The following FSHR variants were observed in gnomAD, a reference collection of about 807,000 sequenced individuals.
The protein encoded by FSHR is follicle-stimulating hormone receptor.
FSHR carries 46 observed loss-of-function variants against 52.1 expected under a neutral mutation model. That is an observed-to-expected ratio of 0.88 (90% confidence interval 0.70 to 1.13). The LOEUF (loss-of-function observed/expected upper bound fraction) is 1.13. Ranked by LOEUF, FSHR falls within the 50% of genes most tolerant of loss-of-function variation. The pLI is 0.00. For synonymous variants in FSHR, 399 were observed against 309.6 expected (o/e 1.29, Z -3.03); for missense variants, 964 against 834.6 (o/e 1.16, Z -1.91).
intron 1 of FSHR, among the ~76,000 whole-genome samples, chr2:49,084,775 C>T (rs1002956368): frequency 1.1e-3 from 165 of 152,320 alleles, no homozygotes; most frequent in African/African-American, 3.9e-3. Flanking sequence ...GACACATACA[C>T]TCTCCCAAGA....
At chr2:49,097,250 T>C (rs1472778689) in intron 1 of FSHR, among the ~76,000 whole-genome samples, 1 of 152,214 alleles carries the variant, frequency 6.6e-6, no homozygotes, top group Admixed American at 6.5e-5. Context: ...TCTTTGAATT[T>C]TTTTTCATTT....
intron 1 of FSHR, among the ~76,000 whole-genome samples, chr2:49,095,511 A>T (rs1052305308): frequency 1.8e-4 from 27 of 152,218 alleles, no homozygotes; most frequent in Non-Finnish European, 3.5e-4. Context: ...AAGAGCTAAA[A>T]CTATAAAACT....
Position 49,139,088 on chromosome 2 carries a change from A to G in FSHR, c.152+15178T>C, listed in dbSNP as rs566690847. On this transcript the variant is annotated intron_variant, in intron 1 of 9. Coordinates refer to ENST00000406846, the MANE Select transcript of FSHR (RefSeq NM_000145.4). ...TTCATTTCACTGGGCTTCATTTTAC[A>G]TTTCTAAAACAAGGGGAAGGAGGTA... Among the ~76,000 whole-genome samples the G allele has an allele frequency of 8.5e-5, 13 of 152,318 alleles. No homozygotes were observed. In the South Asian group the frequency reaches 2.5e-3, roughly 29 times the overall value.
intron 1 of FSHR, among the ~76,000 whole-genome samples, chr2:49,112,615 C>G (rs1007803060): frequency 6.6e-6 from 1 of 152,094 alleles, no homozygotes. Context: ...GCAGAAGTAG[C>G]AGATCACTTT....
At chr2:49,034,814 A>C (rs1668223769) in intron 2 of FSHR, among the ~76,000 whole-genome samples, 1 of 151,974 alleles carries the variant, frequency 6.6e-6, no homozygotes, top group Non-Finnish European at 1.5e-5. Context: ...TGATACATGG[A>C]CTCCCAGAGC....
chr2:49,059,261 G>A (rs11678857), intron 2 of FSHR, among the ~76,000 whole-genome samples: 73,644 of 151,762 alleles, frequency 0.49, 18,327 homozygotes, highest in East Asian at 0.75. Context: ...ATTCACAGAA[G>A]TAGAAAAAAA....
intron 1 of FSHR, among the ~76,000 whole-genome samples, chr2:49,126,988 C>T (rs915398444): frequency 1.3e-5 from 2 of 152,104 alleles, no homozygotes; most frequent in African/African-American, 4.8e-5. Context: ...TTTGGGAAAA[C>T]TCAGTGGAAA....
At chr2:49,117,147 G>A (rs1671631284) in intron 1 of FSHR, among the ~76,000 whole-genome samples, 1 of 152,166 alleles carries the variant, frequency 6.6e-6, no homozygotes, top group Admixed American at 6.5e-5. Context: ...CACAGGAGAA[G>A]TCTACTTCTG....
chr2:48,982,899 G>T lies in FSHR; in HGVS notation c.668+13C>A. 1 of 1,606,938 alleles carries T rather than the reference G, an allele frequency of 6.2e-7. No individual in the cohort carries two copies. Among genetic ancestry groups the T allele is most frequent in the African/African-American group, 1.3e-5 (1 of 74,902 alleles). On this transcript the variant is annotated intron_variant, in intron 8 of 9. Coordinates refer to ENST00000406846, the MANE Select transcript of FSHR (RefSeq NM_000145.4). Reference sequence around the variant, plus strand: ...CTGAGCTCTTACACACAGAAATGGGGAAAGCTACTCACAGAATGACTGGTC... The same window carrying T: ...CTGAGCTCTTACACACAGAAATGGGTAAAGCTACTCACAGAATGACTGGTC...
At chr2:49,015,212 C>T (rs897980245) in intron 4 of FSHR, among the ~76,000 whole-genome samples, 8 of 152,066 alleles carry the variant, frequency 5.3e-5, no homozygotes, top group African/African-American at 1.9e-4. Flanking sequence ...CTTCTGAATT[C>T]ATAGTTTTTC....
chr2:49,100,268 A>G (rs1477680672), intron 1 of FSHR, among the ~76,000 whole-genome samples: 1 of 152,072 alleles, frequency 6.6e-6, no homozygotes, highest in African/African-American at 2.4e-5. Flanking sequence ...TGCTCTTGGC[A>G]TTTTGCTTTC....
intron 1 of FSHR, among the ~76,000 whole-genome samples, chr2:49,080,572 A>G (rs1189245180): frequency 3.9e-5 from 6 of 152,240 alleles, no homozygotes; most frequent in Non-Finnish European, 8.8e-5. Context: ...TAATGTTGAG[A>G]GCAAAAACCA....
intron 2 of FSHR, among the ~76,000 whole-genome samples, chr2:49,051,523 T>C (rs1668855612): frequency 6.6e-6 from 1 of 152,136 alleles, no homozygotes; most frequent in Admixed American, 6.6e-5. Flanking sequence ...CCATTTTAAA[T>C]TAGATTGTGT....
At chr2:48,968,643 G>T in intron 9 of FSHR, 55 bp downstream of exon 9, 1 of 1,576,410 alleles carries the variant, frequency 6.3e-7, no homozygotes, top group Non-Finnish European at 8.7e-7. Context: ...TAGAAATTGT[G>T]GACAAAGTTC....
At chr2:49,124,460 T>G (rs1671930891) in intron 1 of FSHR, among the ~76,000 whole-genome samples, 1 of 152,194 alleles carries the variant, frequency 6.6e-6, no homozygotes, top group African/African-American at 2.4e-5. Context: ...TAAAGAGCTG[T>G]CTTTCCTAGT....
At position 48,968,749 on chromosome 2, in the gene FSHR, C is replaced by T; in HGVS notation, c.803G>A (p.Ser268Asn). The change falls in exon 9 of 10, where the codon AGC becomes AAC. Residue 268 changes from serine (S) to asparagine (N), a missense_variant. Coordinates refer to ENST00000406846, the MANE Select transcript of FSHR (RefSeq NM_000145.4). ...ACAGCAATGGCTGGGATAGGTGAGG[C>T]TGGCTTCCATGAGGGCGACAAGCTT... The part of the protein sequence containing the change: ...LEKLVALMEA[S>N]LTYPSHCCAF... The T allele has an allele frequency of 6.2e-7, 1 of 1,614,132 alleles. No individual in the cohort carries two copies. Among genetic ancestry groups the T allele is most frequent in the Non-Finnish European group, 8.5e-7 (1 of 1,180,008 alleles).
chr2:49,035,068 G>A (rs1044092825), intron 2 of FSHR, among the ~76,000 whole-genome samples: 3 of 152,124 alleles, frequency 2.0e-5, no homozygotes, highest in Non-Finnish European at 4.4e-5. Context: ...TGTCACATTC[G>A]ACGTGTTTCA....
At chr2:49,032,903 A>T (rs1243932320) in intron 2 of FSHR, among the ~76,000 whole-genome samples, 1 of 152,202 alleles carries the variant, frequency 6.6e-6, no homozygotes, top group Non-Finnish European at 1.5e-5. Flanking sequence ...AAGTATTTGG[A>T]GAAAAAGAAT....
chr2:49,133,313 T>C (rs1404627477), intron 1 of FSHR, among the ~76,000 whole-genome samples: 2 of 152,108 alleles, frequency 1.3e-5, no homozygotes, highest in African/African-American at 4.8e-5. Context: ...CTCTGATAGC[T>C]CTTGTCCCAG....
Sources: allele counts gnomAD v4.1 joint callset (sites outside exome capture counted in the v4.1 genomes callset), GRCh38; gene constraint gnomAD v4.1.1; transcripts MANE v1.5; gene names NCBI Gene and HGNC (gene_info 2026-07-23, HGNC 2026-07-21).